The following PDE4D variants were observed in gnomAD, a reference collection of about 807,000 sequenced individuals.
The protein encoded by PDE4D is 3',5'-cyclic-AMP phosphodiesterase 4D.
A neutral mutation model predicts 87.4 loss-of-function variants in PDE4D; 24 were observed. That is an observed-to-expected ratio of 0.27 (90% CI 0.20 to 0.39). PDE4D has a LOEUF of 0.39. PDE4D is among the 10% of genes least tolerant of loss of function. The probability of loss-of-function intolerance (pLI) is 1.00; values close to 1 mark genes in which losing one functional copy is unlikely to be tolerated. For synonymous variants in PDE4D, 384 were observed against 383.2 expected (o/e 1.00, Z -0.02); for missense variants, 714 against 1,041.0 (o/e 0.69, Z 4.32).
At chr5:59,315,807 C>T (rs1773603500) in intron 1 of PDE4D, among the ~76,000 whole-genome samples, 1 of 152,266 alleles carries the variant, frequency 6.6e-6, no homozygotes, top group Non-Finnish European at 1.5e-5. Context: ...ACTACAACCA[C>T]CAAATGGCGC....
chr5:60,185,792 A>G lies in PDE4D; in HGVS notation c.-89-105T>C, dbSNP rs1583005941. 3.4e-5 allele frequency: 15 copies of G among 442,490 alleles called. No homozygotes were observed. The East Asian group carries it at 4.9e-4, about 14-fold the overall frequency. The allele number at this position is 442,490 out of a possible 1,614,324, so 27.4% of individuals were successfully genotyped here. Reference sequence around the variant, plus strand: ...GTTAATTCTTAAATAATTCATCGGAACAGGCTAAAACGGTGCTGTGTTTAA... The same window carrying G: ...GTTAATTCTTAAATAATTCATCGGAGCAGGCTAAAACGGTGCTGTGTTTAA... On this transcript the variant is annotated intron_variant, in intron 1 of 16. Coordinates refer to the PDE4D transcript ENST00000502484.
intron 1 of PDE4D, among the ~76,000 whole-genome samples, chr5:59,413,259 C>T (rs1192233446): frequency 6.6e-6 from 1 of 151,826 alleles, no homozygotes; most frequent in African/African-American, 2.4e-5. Context: ...AGATCGAGAC[C>T]ATCCTGGCTA....
intron 1 of PDE4D, among the ~76,000 whole-genome samples, chr5:59,456,765 A>G (rs1170637928): frequency 6.6e-6 from 1 of 152,156 alleles, no homozygotes; most frequent in East Asian, 1.9e-4. Flanking sequence ...CATTACCAGG[A>G]GTTTGAGAAA....
chr5:59,888,870 T>G (rs114993694), intron 1 of PDE4D, among the ~76,000 whole-genome samples: 183 of 152,200 alleles, frequency 1.2e-3, no homozygotes, highest in African/African-American at 4.3e-3. Flanking sequence ...AAAACCTAAT[T>G]TCTTTTATTA....
chr5:60,200,265 C>A (rs552609811), intron 1 of PDE4D, among the ~76,000 whole-genome samples: 1 of 151,694 alleles, frequency 6.6e-6, no homozygotes, highest in East Asian at 1.9e-4. Context: ...CTGAAATAAT[C>A]ATCACAAGAT....
chr5:59,021,201 A>G (rs1026904180), intron 6 of PDE4D, among the ~76,000 whole-genome samples: 3 of 152,198 alleles, frequency 2.0e-5, no homozygotes, highest in Admixed American at 2.0e-4. Flanking sequence ...CAACTTCAAT[A>G]AGAGTCTTTT....
intron 3 of PDE4D, among the ~76,000 whole-genome samples, chr5:59,949,392 C>T (rs1466540563): frequency 6.8e-6 from 1 of 147,318 alleles, no homozygotes; most frequent in Non-Finnish European, 1.5e-5. Flanking sequence ...GAGATCGTGC[C>T]ACCGCACTCC....
At chr5:59,163,490 C>T (rs1352049326) in intron 5 of PDE4D, among the ~76,000 whole-genome samples, 1 of 151,880 alleles carries the variant, frequency 6.6e-6, no homozygotes, top group Admixed American at 6.6e-5. Context: ...AGGCTGGTCT[C>T]GAACTCCTGA....
chr5:60,244,828 A>T (rs1446886089), intron 1 of PDE4D, among the ~76,000 whole-genome samples: 1 of 152,046 alleles, frequency 6.6e-6, no homozygotes, highest in Admixed American at 6.6e-5. Flanking sequence ...TAAGACCTCA[A>T]ACTATGAAAC....
intron 1 of PDE4D, among the ~76,000 whole-genome samples, chr5:59,311,459 C>G (rs1189691086): frequency 7.5e-6 from 1 of 132,656 alleles, no homozygotes; most frequent in Non-Finnish European, 1.5e-5. Context: ...TGAGATTGCA[C>G]CACTGCACTC....
intron 1 of PDE4D, among the ~76,000 whole-genome samples, chr5:60,277,629 C>A (rs1366610550): frequency 6.6e-6 from 1 of 151,968 alleles, no homozygotes; most frequent in Non-Finnish European, 1.5e-5. Context: ...TGTCTTCTTA[C>A]CACAAAAAAA....
At chr5:59,805,430 T>G (rs1186894456) in intron 1 of PDE4D, among the ~76,000 whole-genome samples, 6 of 152,344 alleles carry the variant, frequency 3.9e-5, no homozygotes. Context: ...CACCCTTTCT[T>G]TAGCTTCTGG....
chr5:59,660,613 G>C (rs1745082062), intron 1 of PDE4D, among the ~76,000 whole-genome samples: 1 of 152,210 alleles, frequency 6.6e-6, no homozygotes, highest in Admixed American at 6.5e-5. Context: ...ATAAGGCTTT[G>C]TTTTCAAGGA....
chr5:60,125,257 GCA>G (rs1175169553), intron 2 of PDE4D, among the ~76,000 whole-genome samples: 1 of 151,928 alleles, frequency 6.6e-6, no homozygotes, highest in African/African-American at 2.4e-5. Context: ...ATCTCTATTT[GCA>G]CAGTTTCTCA....
chr5:60,427,627 T>C (rs1743835415), intron 1 of PDE4D, among the ~76,000 whole-genome samples: 2 of 152,202 alleles, frequency 1.3e-5, no homozygotes, highest in Admixed American at 1.3e-4. Context: ...AAAAGAGCAC[T>C]GGAAATGTTA....
intron 2 of PDE4D, among the ~76,000 whole-genome samples, chr5:60,114,045 A>G (rs1777920668): frequency 2.6e-5 from 4 of 152,148 alleles, no homozygotes; most frequent in Admixed American, 2.6e-4. Context: ...CTCTGTTGAA[A>G]TAAATTATAC....
intron 1 of PDE4D, among the ~76,000 whole-genome samples, chr5:59,489,008 C>T (rs1277980000): frequency 1.3e-5 from 2 of 151,954 alleles, no homozygotes; most frequent in African/African-American, 4.8e-5. Flanking sequence ...GATTGTTGGC[C>T]AGGCGTGACG....
In PDE4D at chr5:60,045,331, T is replaced by C. The variant is rs1769084847; in HGVS notation, c.43-56614A>G. On this transcript the variant is annotated intron_variant, in intron 2 of 16. Transcript: ENST00000502484. ...GTAGGTTGCCTGTTCACTCTGATGG[T>C]AGTTTCTTTTGCTGTGCAGAAGCTC... Among the ~76,000 whole-genome samples, 4 of 152,134 alleles carry C rather than the reference T, an allele frequency of 2.6e-5. No individual in the cohort carries two copies. In the South Asian group the frequency reaches 8.3e-4, roughly 31 times the overall value.
chr5:59,991,557 G>T (rs762724822), intron 2 of PDE4D, among the ~76,000 whole-genome samples: 16 of 151,958 alleles, frequency 1.1e-4, no homozygotes, highest in Non-Finnish European at 2.1e-4. Context: ...TAACCTTGCT[G>T]GTCTTTAGTC....
Sources: gnomAD v4.1 joint callset for allele counts (sites outside exome capture counted in the v4.1 genomes callset) on GRCh38, gnomAD v4.1.1 for gene constraint, MANE v1.5 for transcripts, NCBI Gene and HGNC (gene_info 2026-07-23, HGNC 2026-07-21) for gene names.